The following PBLD variants were observed in gnomAD, a reference collection of about 807,000 sequenced individuals.
The protein encoded by PBLD is phenazine biosynthesis like protein domain containing, also known as phenazine biosynthesis-like domain-containing protein.
A neutral mutation model predicts 31.3 loss-of-function variants in PBLD; 26 were observed. That is an observed-to-expected ratio of 0.83 (90% CI 0.61 to 1.15). PBLD has a LOEUF of 1.15. PBLD is among the 50% of genes most tolerant of loss of function. The probability of loss-of-function intolerance (pLI) is 0.00; values close to 1 mark genes in which losing one functional copy is unlikely to be tolerated. For missense variants in PBLD, 307 were observed against 351.7 expected, an observed-to-expected ratio of 0.87 and a Z score of 1.02; for synonymous variants, 114 against 129.0, an observed-to-expected ratio of 0.88 and a Z score of 0.79.
intron 1 of PBLD, among the ~76,000 whole-genome samples, chr10:68,324,318 A>G (rs1041399425): frequency 6.6e-6 from 1 of 151,984 alleles, no homozygotes; most frequent in Non-Finnish European, 1.5e-5. Flanking sequence ...CTGGGACTAC[A>G]GGTGCGCGCC....
At chr10:68,292,308 CT>C in intron 4 of PBLD, 70 bp from the exon 5 acceptor site, 1 of 1,307,642 alleles carries the variant, frequency 7.6e-7, no homozygotes. Flanking sequence ...TTTCAAACAC[CT>C]TTGCATTGTC....
chr10:68,292,468 T>C (rs978867047), intron 4 of PBLD, among the ~76,000 whole-genome samples: 1 of 151,584 alleles, frequency 6.6e-6, no homozygotes, highest in African/African-American at 2.4e-5. Context: ...AGGCTTCAGA[T>C]CCCAGCTCTT....
intron 2 of PBLD, among the ~76,000 whole-genome samples, chr10:68,304,433 CT>C (rs1301294518): frequency 6.6e-6 from 1 of 152,242 alleles, no homozygotes; most frequent in African/African-American, 2.4e-5. Flanking sequence ...ACTTCCTTAT[CT>C]TCTTTTTCCT....
At position 68,283,234 on chromosome 10, in the gene PBLD, A is replaced by G. The variant is rs1361989616; in HGVS notation, c.*943T>C. 5 of 152,120 alleles carry G rather than the reference A, an allele frequency of 3.3e-5. No individual in the cohort carries two copies. Among genetic ancestry groups the G allele is most frequent in the African/African-American group, 4.8e-5 (2 of 41,430 alleles). The allele number at this position is 152,120 out of a possible 1,614,324, so 9.4% of individuals were successfully genotyped here. A position where few individuals can be genotyped will look rare whatever the true frequency, so the allele number is the denominator to read the frequency against. Reference sequence around the variant, plus strand: ...ATTTCACTATGACAGGAAGTAGCCTAATACATACTTTTTTGTGTTAATTTT... The same window carrying G: ...ATTTCACTATGACAGGAAGTAGCCTGATACATACTTTTTTGTGTTAATTTT... On this transcript the variant is annotated 3_prime_UTR_variant, in exon 10 of 10. Coordinates refer to ENST00000358769, the MANE Select transcript of PBLD (RefSeq NM_022129.4).
intron 1 of PBLD, among the ~76,000 whole-genome samples, chr10:68,307,264 A>C (rs2134478676): frequency 6.6e-6 from 1 of 152,160 alleles, no homozygotes; most frequent in Admixed American, 6.5e-5. Context: ...TCCTGACCTC[A>C]GGTGATCTGC....
intron 1 of PBLD, among the ~76,000 whole-genome samples, chr10:68,329,233 A>T (rs994542928): frequency 1.3e-5 from 2 of 152,214 alleles, no homozygotes; most frequent in Non-Finnish European, 2.9e-5. Context: ...AAAAGGCAAA[A>T]GGAATGTGTA....
intron 1 of PBLD, among the ~76,000 whole-genome samples, chr10:68,318,483 C>T (rs976572589): frequency 6.1e-5 from 9 of 148,268 alleles, no homozygotes; most frequent in African/African-American, 2.2e-4. Flanking sequence ...TATGATCATG[C>T]CACTGCACTG....
chr10:68,282,921 G>A lies in PBLD; in HGVS notation c.*1256C>T, dbSNP rs1332105386. 1 of 151,828 alleles carries A rather than the reference G, an allele frequency of 6.6e-6. No individual in the cohort carries two copies. Among genetic ancestry groups the A allele is most frequent in the Non-Finnish European group, 1.5e-5 (1 of 67,988 alleles). 9.4% of individuals were successfully genotyped at this position (151,828 alleles called of 1,614,324 possible). A position where few individuals can be genotyped will look rare whatever the true frequency, so the allele number is the denominator to read the frequency against. On this transcript the variant is annotated 3_prime_UTR_variant, in exon 10 of 10. Coordinates refer to ENST00000358769, the MANE Select transcript of PBLD (RefSeq NM_022129.4). Reference sequence around the variant, plus strand: ...GTCCCCATCCCAAAGTCAACTATAGGTATTCAATATTGTATATTTAACTGA... The same window carrying A: ...GTCCCCATCCCAAAGTCAACTATAGATATTCAATATTGTATATTTAACTGA...
intron 2 of PBLD, among the ~76,000 whole-genome samples, chr10:68,305,483 G>A (rs1394343572): frequency 1.3e-5 from 2 of 151,890 alleles, no homozygotes; most frequent in African/African-American, 2.4e-5. Context: ...GGCCGGGCGC[G>A]GTGCTCACGC....
intron 1 of PBLD, among the ~76,000 whole-genome samples, chr10:68,327,673 CAAAAAAAA>C (rs35759039): frequency 3.9e-4 from 27 of 68,822 alleles, no homozygotes; most frequent in African/African-American, 1.6e-3. Flanking sequence ...GACTCCACCT[CAAAAAAAA>C]AAAAAAAAAA....
chr10:68,329,214 G>C (rs2044973309), intron 1 of PBLD, among the ~76,000 whole-genome samples: 2 of 152,128 alleles, frequency 1.3e-5, no homozygotes, highest in Non-Finnish European at 2.9e-5. Flanking sequence ...ACTTCCTACT[G>C]TAATAATAAA....
intron 1 of PBLD, among the ~76,000 whole-genome samples, chr10:68,313,094 T>G (rs1045083397): frequency 1.3e-5 from 2 of 152,028 alleles, no homozygotes; most frequent in African/African-American, 4.8e-5. Context: ...TTTGTATTTA[T>G]TGTAGAGAGG....
At position 68,306,639 on chromosome 10, in the gene PBLD, T is replaced by C. The variant is rs1233522639; in HGVS notation, c.84+122A>G. On this transcript the variant is annotated intron_variant, in intron 2 of 9. Transcript: ENST00000358769. ...CTTGCATACATGAACATTACTGATA[T>C]GATGGCAAAGAACACAAACCAAAGA... 3.5e-6 allele frequency: 3 copies of C among 865,070 alleles called. No homozygotes were observed. The African/African-American group carries it at 5.1e-5, about 15-fold the overall frequency. 53.6% of individuals were successfully genotyped at this position (865,070 alleles called of 1,614,324 possible). A position where few individuals can be genotyped will look rare whatever the true frequency, so the allele number is the denominator to read the frequency against.
At chr10:68,319,287 A>T (rs538980405) in intron 1 of PBLD, among the ~76,000 whole-genome samples, 1 of 152,338 alleles carries the variant, frequency 6.6e-6, no homozygotes, top group East Asian at 1.9e-4. Context: ...GTAGAAAACA[A>T]ATATCAAAAT....
chr10:68,323,778 C>G (rs73274706), intron 1 of PBLD, among the ~76,000 whole-genome samples: 5,036 of 152,224 alleles, frequency 0.033, 295 homozygotes, highest in African/African-American at 0.12. Context: ...AATTTGCATT[C>G]CATTTGTTTG....
intron 4 of PBLD, among the ~76,000 whole-genome samples, chr10:68,295,434 A>G (rs2044411352): frequency 6.6e-6 from 1 of 151,472 alleles, no homozygotes; most frequent in African/African-American, 2.4e-5. Flanking sequence ...CAGAGGTTGC[A>G]GTGAACTGAT....
chr10:68,291,933 G>T, intron 6 of PBLD, 77 bp downstream of exon 6: 1 of 1,408,492 alleles, frequency 7.1e-7, no homozygotes, highest in Non-Finnish European at 9.9e-7. Context: ...GCCTATCTTT[G>T]TGGATCAAAT....
At chr10:68,292,789 C>T (rs966969008) in intron 4 of PBLD, among the ~76,000 whole-genome samples, 23 of 152,142 alleles carry the variant, frequency 1.5e-4, no homozygotes, top group African/African-American at 5.6e-4. Context: ...GGATTACAGG[C>T]GTGAGCCACC....
At chr10:68,302,845 A>G (rs2044522585) in intron 2 of PBLD, among the ~76,000 whole-genome samples, 1 of 136,518 alleles carries the variant, frequency 7.3e-6, no homozygotes, top group African/African-American at 2.6e-5. Context: ...TGTCTCTGGA[A>G]AAAAAAAAAA....
Sources: gnomAD v4.1 joint callset for allele counts (sites outside exome capture counted in the v4.1 genomes callset) on GRCh38, gnomAD v4.1.1 for gene constraint, MANE v1.5 for transcripts, NCBI Gene and HGNC (gene_info 2026-07-23, HGNC 2026-07-21) for gene names.